The following CYYR1 variants were observed in gnomAD, a reference collection of about 807,000 sequenced individuals.
CYYR1 encodes the protein cysteine and tyrosine rich 1.
A neutral mutation model predicts 15.2 loss-of-function variants in CYYR1; 14 were observed. The observed-to-expected ratio is 0.92, with a 90% confidence interval of 0.61 to 1.44. The LOEUF is 1.44. Ranked by LOEUF, CYYR1 falls within the 40% of genes most tolerant of loss-of-function variation. The pLI, the probability that CYYR1 is intolerant of heterozygous loss-of-function variation, is 0.00. For missense variants in CYYR1, 228 were observed against 209.5 expected (o/e 1.09, Z -0.54); for synonymous variants, 80 against 77.4 (o/e 1.03, Z -0.18).
At chr21:26,515,150 C>T (rs2065708488) in intron 2 of CYYR1, among the ~76,000 whole-genome samples, 1 of 152,164 alleles carries the variant, frequency 6.6e-6, no homozygotes, top group African/African-American at 2.4e-5. Flanking sequence ...AATCTAAGAA[C>T]ATACTAGTTG....
At chr21:26,488,624 GA>G (rs1397887247) in intron 2 of CYYR1, among the ~76,000 whole-genome samples, 4 of 152,052 alleles carry the variant, frequency 2.6e-5, no homozygotes, top group Non-Finnish European at 5.9e-5. Context: ...TTGAGTTTTG[GA>G]AAATAAGTTG....
chr21:26,552,433 C>G (rs2830278), intron 2 of CYYR1, among the ~76,000 whole-genome samples: 1 of 151,926 alleles, frequency 6.6e-6, no homozygotes, highest in Admixed American at 6.6e-5. Context: ...AGAACAAAAT[C>G]CATTTGCTGT....
chr21:26,477,067 A>G (rs1017034249), intron 3 of CYYR1, among the ~76,000 whole-genome samples: 1 of 152,156 alleles, frequency 6.6e-6, no homozygotes, highest in Non-Finnish European at 1.5e-5. Context: ...CCTCGTGTAG[A>G]GTAATAATGT....
chr21:26,551,222 T>A (rs1176248350), intron 2 of CYYR1: 1 of 152,688 alleles, frequency 6.5e-6, no homozygotes, highest in Non-Finnish European at 1.5e-5. Flanking sequence ...ATAGTACTGC[T>A]CTTTGACAAT....
intron 2 of CYYR1, among the ~76,000 whole-genome samples, chr21:26,505,860 G>A (rs1393118234): frequency 1.3e-5 from 2 of 152,136 alleles, no homozygotes; most frequent in Admixed American, 6.5e-5. Flanking sequence ...TTGAGATAAC[G>A]TTGCATTAAG....
chr21:26,483,157 T>C (rs1368076339), intron 2 of CYYR1, among the ~76,000 whole-genome samples: 1 of 151,944 alleles, frequency 6.6e-6, no homozygotes, highest in African/African-American at 2.4e-5. Context: ...TAAATTACAG[T>C]TATCTTATTT....
rs61352955 is a variant in CYYR1 at position 26,517,114 on chromosome 21, C to CAAAAAA, written c.177-36691_177-36686dup. Among the ~76,000 whole-genome samples the CAAAAAA allele has an allele frequency of 1.3e-3, 59 of 46,702 alleles. 3 individuals are homozygous for CAAAAAA. The highest frequency in any genetic ancestry group is 3.8e-3 in the African/African-American group (43 of 11,304). 30.6% of individuals were successfully genotyped at this position (46,702 alleles called of 152,430 possible). On this transcript the variant is annotated intron_variant, in intron 2 of 3. Coordinates refer to ENST00000652641, the MANE Select transcript of CYYR1 (RefSeq NM_001320768.2). The stretch of plus-strand genomic sequence containing the variant: ...TGGGCGACAGAGCGAGACTCCGTCT[C>CAAAAAA]AAAAAAAAAAAAAAAAAAAAAAAAA...
intron 2 of CYYR1, among the ~76,000 whole-genome samples, chr21:26,487,916 C>CAAAAAAAAAAAA (rs3085022): frequency 7.0e-6 from 1 of 143,192 alleles, no homozygotes. Flanking sequence ...ACATTACTTG[C>CAAAAAAAAAAAA]AAAAAAAAAA....
Position 26,542,126 on chromosome 21 carries a change from T to G in CYYR1, c.176+24140A>C, listed in dbSNP as rs531413175. On this transcript the variant is annotated intron_variant, in intron 2 of 3. Coordinates refer to ENST00000652641, the MANE Select transcript of CYYR1 (RefSeq NM_001320768.2). ...TATTTGTTGTCTACATGAAAGGTAC[T>G]TTGAATACAAAAAAATCAAGTAGAT... Among the ~76,000 whole-genome samples, 13 of 151,118 alleles carry G rather than the reference T, an allele frequency of 8.6e-5. 1 individual carries two copies. In the South Asian group the frequency reaches 2.7e-3, roughly 31 times the overall value.
intron 2 of CYYR1, among the ~76,000 whole-genome samples, chr21:26,481,266 C>T (rs558277654): frequency 6.6e-6 from 1 of 152,128 alleles, no homozygotes; most frequent in South Asian, 2.1e-4. Context: ...AAATGTAGCA[C>T]ATAAGCATAA....
At chr21:26,535,272 A>T (rs547333103) in intron 2 of CYYR1, among the ~76,000 whole-genome samples, 1 of 152,170 alleles carries the variant, frequency 6.6e-6, no homozygotes, top group Non-Finnish European at 1.5e-5. Context: ...AAATTATTTT[A>T]AAAAATTAAA....
At chr21:26,561,327 T>A (rs984751258) in intron 2 of CYYR1, among the ~76,000 whole-genome samples, 5 of 150,802 alleles carry the variant, frequency 3.3e-5, no homozygotes, top group African/African-American at 1.2e-4. Context: ...TTTTTTTTTT[T>A]ACTAATGCCA....
chr21:26,538,695 A>G (rs1754428754), intron 2 of CYYR1, among the ~76,000 whole-genome samples: 1 of 152,112 alleles, frequency 6.6e-6, no homozygotes, highest in Admixed American at 6.6e-5. Context: ...TGGCTTATTA[A>G]TTTGTGAATC....
chr21:26,573,272 G>A lies in CYYR1; in HGVS notation c.-332C>T. 1.5e-6 allele frequency: 2 copies of A among 1,316,598 alleles called. No individual in the cohort carries two copies. The highest frequency in any genetic ancestry group is 1.3e-5 in the South Asian group (1 of 76,938). 81.6% of individuals were successfully genotyped at this position (1,316,598 alleles called of 1,614,324 possible). A position where few individuals can be genotyped will look rare whatever the true frequency, so the allele number is the denominator to read the frequency against. ...CCCAGGCTCACATTTCATCTCCGCG[G>A]GTGGCAACGACTGCGGGCAGGGGGC... On this transcript the variant is annotated 5_prime_UTR_variant, in exon 1 of 4. Transcript: ENST00000652641.
At chr21:26,481,402 TA>T (rs1463462065) in intron 2 of CYYR1, among the ~76,000 whole-genome samples, 1 of 152,118 alleles carries the variant, frequency 6.6e-6, no homozygotes, top group Non-Finnish European at 1.5e-5. Flanking sequence ...ACATATTGAT[TA>T]AAAAGGGTCA....
chr21:26,506,727 A>G (rs1055807716), intron 2 of CYYR1: 13 of 152,038 alleles, frequency 8.6e-5, no homozygotes, highest in Admixed American at 2.0e-4. Flanking sequence ...TAGGAAAGAG[A>G]AACAGGTACA....
At chr21:26,559,878 T>C (rs1980079886) in intron 2 of CYYR1, among the ~76,000 whole-genome samples, 1 of 152,196 alleles carries the variant, frequency 6.6e-6, no homozygotes, top group African/African-American at 2.4e-5. Flanking sequence ...CTGTAAGGCA[T>C]ATCTTCTGAC....
chr21:26,555,210 T>A (rs1232951222), intron 2 of CYYR1, among the ~76,000 whole-genome samples: 1 of 152,204 alleles, frequency 6.6e-6, no homozygotes, highest in East Asian at 1.9e-4. Context: ...AGAGGGTCTA[T>A]TTACTTAATA....
chr21:26,556,550 T>C (rs1197940788), intron 2 of CYYR1, among the ~76,000 whole-genome samples: 1 of 152,136 alleles, frequency 6.6e-6, no homozygotes, highest in African/African-American at 2.4e-5. Context: ...CCATAGGCTG[T>C]ACAGATAGCA....
Sources: allele counts gnomAD v4.1 joint callset (sites outside exome capture counted in the v4.1 genomes callset), GRCh38; gene constraint gnomAD v4.1.1; transcripts MANE v1.5; gene names NCBI Gene and HGNC (gene_info 2026-07-23, HGNC 2026-07-21).